Variants in ZBTB16 observed in about 807,000 individuals in gnomAD.
ZBTB16 encodes the protein zinc finger and BTB domain-containing protein 16.
A neutral mutation model predicts 56.8 loss-of-function variants in ZBTB16; 8 were observed. The ratio of observed to expected loss-of-function variants is 0.14; its 90% CI spans 0.08 to 0.25. ZBTB16 has a LOEUF of 0.25. Among genes scored for constraint, ZBTB16 ranks in the 10% least tolerant of loss-of-function variants. The pLI, the probability that ZBTB16 is intolerant of heterozygous loss-of-function variation, is 1.00. For synonymous variants in ZBTB16, 363 were observed against 368.5 expected, an observed-to-expected ratio of 0.98 and a Z score of 0.17; for missense variants, 625 against 903.0, an observed-to-expected ratio of 0.69 and a Z score of 3.95.
At chr11:114,141,923 A>G (rs927658585) in intron 2 of ZBTB16, among the ~76,000 whole-genome samples, 6 of 152,184 alleles carry the variant, frequency 3.9e-5, no homozygotes, top group Admixed American at 2.0e-4. Flanking sequence ...TCTTGTACAG[A>G]TTTGCTTCTA....
chr11:114,203,184 A>G (rs1407301188), intron 4 of ZBTB16, among the ~76,000 whole-genome samples: 1 of 152,248 alleles, frequency 6.6e-6, no homozygotes, highest in East Asian at 1.9e-4. Flanking sequence ...ATCCCGTGCT[A>G]AGTGAAACAA....
intron 5 of ZBTB16, among the ~76,000 whole-genome samples, chr11:114,246,225 G>A (rs997216564): frequency 6.6e-6 from 1 of 152,166 alleles, no homozygotes; most frequent in Non-Finnish European, 1.5e-5. Context: ...TCTTATCCTG[G>A]TGGTGCTTCC....
chr11:114,193,136 A>T (rs1591768600), intron 4 of ZBTB16, among the ~76,000 whole-genome samples: 1 of 152,126 alleles, frequency 6.6e-6, no homozygotes, highest in Non-Finnish European at 1.5e-5. Context: ...GATCTTGTGG[A>T]TGGGGCTCCT....
chr11:114,209,834 C>G, intron 4 of ZBTB16: 1 of 985,442 alleles, frequency 1.0e-6, no homozygotes, highest in Admixed American at 6.1e-5. Context: ...AGAGTTCCTT[C>G]TGGCATCCTG....
At chr11:114,158,900 C>G (rs911523363) in intron 3 of ZBTB16, among the ~76,000 whole-genome samples, 8 of 152,240 alleles carry the variant, frequency 5.3e-5, no homozygotes, top group African/African-American at 1.9e-4. Context: ...GGACACTCCT[C>G]TCTCCGGACA....
intron 4 of ZBTB16, among the ~76,000 whole-genome samples, chr11:114,199,487 C>G (rs916451166): frequency 7.9e-5 from 12 of 152,250 alleles, no homozygotes; most frequent in African/African-American, 2.7e-4. Flanking sequence ...TTGCCCTTCC[C>G]CGGCCTCCCA....
intron 4 of ZBTB16, among the ~76,000 whole-genome samples, chr11:114,207,861 G>C (rs1480366384): frequency 6.6e-6 from 1 of 152,140 alleles, no homozygotes; most frequent in Non-Finnish European, 1.5e-5. Flanking sequence ...TGATCCTCCT[G>C]CCTTGGCCTC....
chr11:114,219,282 AG>A (rs2135147335), intron 4 of ZBTB16, among the ~76,000 whole-genome samples: 1 of 152,312 alleles, frequency 6.6e-6, no homozygotes, highest in African/African-American at 2.4e-5. Context: ...CAAAACAAAA[AG>A]CCCCAACCAA....
intron 2 of ZBTB16, among the ~76,000 whole-genome samples, chr11:114,103,246 A>C (rs541687018): frequency 3.3e-5 from 5 of 152,114 alleles, no homozygotes; most frequent in Non-Finnish European, 7.4e-5. Flanking sequence ...GCAGGGAGGG[A>C]ATTAAGATAG....
chr11:114,232,889 G>A (rs1177821597), intron 4 of ZBTB16, among the ~76,000 whole-genome samples: 1 of 152,084 alleles, frequency 6.6e-6, no homozygotes, highest in East Asian at 1.9e-4. Context: ...GGCGTCCTGC[G>A]GGCTCCAGGC....
At chr11:114,166,260 G>A (rs560392556) in intron 3 of ZBTB16, among the ~76,000 whole-genome samples, 1 of 151,634 alleles carries the variant, frequency 6.6e-6, no homozygotes, top group Non-Finnish European at 1.5e-5. Context: ...CCATGAGGGA[G>A]AGGGGGCCTG....
chr11:114,072,182 A>G (rs1312885997), intron 2 of ZBTB16, among the ~76,000 whole-genome samples: 1 of 152,244 alleles, frequency 6.6e-6, no homozygotes, highest in Non-Finnish European at 1.5e-5. Context: ...TCTTCCGCAT[A>G]GGCGTCAATC....
intron 2 of ZBTB16, among the ~76,000 whole-genome samples, chr11:114,148,336 G>C (rs76368607): frequency 0.026 from 1,366 of 52,464 alleles, 25 homozygotes; most frequent in African/African-American, 0.069. Flanking sequence ...TGGCTGGCTG[G>C]CTTCCTTCCT....
chr11:114,233,453 T>G (rs1408165452), intron 4 of ZBTB16, among the ~76,000 whole-genome samples: 1 of 151,934 alleles, frequency 6.6e-6, no homozygotes, highest in Non-Finnish European at 1.5e-5. Flanking sequence ...CATGCCCCCT[T>G]CCTGCCAGAG....
At chr11:114,209,715 T>A in intron 4 of ZBTB16, 1 of 985,424 alleles carries the variant, frequency 1.0e-6, no homozygotes, top group African/African-American at 1.7e-5. Flanking sequence ...GAATCCTCAA[T>A]TTCAGGCCCC....
At chr11:114,120,392 C>T (rs547922418) in intron 2 of ZBTB16, among the ~76,000 whole-genome samples, 2 of 152,256 alleles carry the variant, frequency 1.3e-5, no homozygotes, top group African/African-American at 4.8e-5. Context: ...CCAGACTTCC[C>T]CTGGCTCCCC....
rs78049947 is a variant in ZBTB16 at position 114,155,044 on chromosome 11, A to C, written c.1269-1293A>C. ...CTACCATCTAGATACTGCCAGCTTG[A>C]GTGTGTAATACTCCCTCTCCCCACC... On this transcript the variant is annotated intron_variant, in intron 2 of 6. Transcript: ENST00000335953. Among the ~76,000 whole-genome samples the C allele has an allele frequency of 5.3e-5, 8 of 152,146 alleles. No homozygotes were observed. In the East Asian group the frequency reaches 1.4e-3, roughly 26 times the overall value.
intron 4 of ZBTB16, among the ~76,000 whole-genome samples, chr11:114,197,679 G>A (rs1214362209): frequency 6.6e-6 from 1 of 152,008 alleles, no homozygotes; most frequent in African/African-American, 2.4e-5. Context: ...GTGGGGGCAG[G>A]GGGTGGGGTG....
chr11:114,075,455 G>GT (rs10683723), intron 2 of ZBTB16, among the ~76,000 whole-genome samples: 5 of 150,982 alleles, frequency 3.3e-5, no homozygotes, highest in East Asian at 1.9e-4. Flanking sequence ...AAAATTAAGG[G>GT]TTTTTTTTCT....
Sources: allele counts gnomAD v4.1 joint callset (sites outside exome capture counted in the v4.1 genomes callset), GRCh38; gene constraint gnomAD v4.1.1; transcripts MANE v1.5; gene names NCBI Gene and HGNC (gene_info 2026-07-23, HGNC 2026-07-21).